Variants in FHOD3 observed in about 807,000 individuals in gnomAD.
FHOD3 encodes the protein FH1/FH2 domain-containing protein 3.
Under a neutral mutation model 173.0 loss-of-function variants are expected in FHOD3, and 90 were observed. That is an observed-to-expected ratio of 0.52 (90% CI 0.44 to 0.62). The LOEUF (loss-of-function observed/expected upper bound fraction) is 0.62. Ranked by LOEUF, FHOD3 falls within the 20% of genes least tolerant of loss-of-function variation. FHOD3 has a pLI of 0.00. For missense variants in FHOD3, 1,945 were observed against 2,034.7 expected (o/e 0.96, Z 0.85); for synonymous variants, 828 against 823.0 (o/e 1.01, Z -0.10).
chr18:36,581,704 T>C (rs893314124), intron 6 of FHOD3, among the ~76,000 whole-genome samples: 3 of 152,182 alleles, frequency 2.0e-5, no homozygotes, highest in African/African-American at 7.2e-5. Flanking sequence ...ATGCTCGTGC[T>C]CATGCGCTCT....
intron 9 of FHOD3, among the ~76,000 whole-genome samples, chr18:36,613,374 T>C (rs1277273643): frequency 6.6e-6 from 1 of 152,202 alleles, no homozygotes; most frequent in African/African-American, 2.4e-5. Context: ...TGTGGGTTAA[T>C]TTTAGGTCAA....
chr18:36,614,816 G>A (rs1358925489), intron 9 of FHOD3, among the ~76,000 whole-genome samples: 23 of 144,614 alleles, frequency 1.6e-4, no homozygotes, highest in Admixed American at 1.4e-3. Context: ...TATTTATTCC[G>A]ATCCTTTGCT....
At chr18:36,594,720 AG>A in intron 6 of FHOD3, 66 bp from the exon 7 acceptor site, 1 of 1,125,424 alleles carries the variant, frequency 8.9e-7, no homozygotes, top group Non-Finnish European at 1.3e-6. Context: ...CGCTGCGGTT[AG>A]GAAGATGCTC....
intron 20 of FHOD3, 122 bp downstream of exon 20, chr18:36,730,926 G>T (rs940563669): frequency 3.8e-6 from 4 of 1,063,810 alleles, no homozygotes; most frequent in Non-Finnish European, 5.3e-6. Context: ...TCTGAATAAG[G>T]TTAATAATTC....
intron 27 of FHOD3, among the ~76,000 whole-genome samples, chr18:36,768,404 T>G (rs1374356538): frequency 6.6e-6 from 1 of 152,184 alleles, no homozygotes; most frequent in Non-Finnish European, 1.5e-5. Context: ...AAAAATAAAG[T>G]ATTTGCAGGA....
At chr18:36,343,032 G>A (rs2045702486) in intron 1 of FHOD3, among the ~76,000 whole-genome samples, 1 of 152,230 alleles carries the variant, frequency 6.6e-6, no homozygotes, top group Non-Finnish European at 1.5e-5. Context: ...GTGTTGGTGA[G>A]ATTGTAGAGA....
intron 3 of FHOD3, among the ~76,000 whole-genome samples, chr18:36,454,026 G>A (rs1034882387): frequency 7.2e-5 from 11 of 152,190 alleles, no homozygotes; most frequent in South Asian, 6.2e-4. Context: ...CCAAGATGGC[G>A]CTCTTTCTTT....
intron 5 of FHOD3, among the ~76,000 whole-genome samples, chr18:36,570,712 TA>T (rs774559960): frequency 6.6e-6 from 1 of 152,092 alleles, no homozygotes; most frequent in Non-Finnish European, 1.5e-5. Context: ...ACTCATTGAG[TA>T]TTTGAAATTC....
chr18:36,670,676 CT>C (rs1157523751), intron 14 of FHOD3, among the ~76,000 whole-genome samples: 3 of 152,156 alleles, frequency 2.0e-5, no homozygotes, highest in African/African-American at 7.2e-5. Context: ...AAATAATTTA[CT>C]TTTTTTCTTC....
intron 3 of FHOD3, among the ~76,000 whole-genome samples, chr18:36,415,462 G>A (rs1471016405): frequency 1.3e-5 from 2 of 152,176 alleles, no homozygotes; most frequent in Admixed American, 1.3e-4. Context: ...AAGAAAATGT[G>A]ACTTCTTAAA....
At position 36,747,085 on chromosome 18, in the gene FHOD3, T is replaced by C; in HGVS notation, c.4182T>C (p.Cys1394=). 3 of 1,613,494 alleles carry C rather than the reference T, an allele frequency of 1.9e-6. No homozygotes were observed. The highest frequency in any genetic ancestry group is 2.5e-6 in the Non-Finnish European group (3 of 1,179,852). ...GGATGTCAGAGTTCCTGAAAGACTG[T>C]GCAGAGCGAATTATAATTTTAAAGA... ...KQRMSEFLKD[C]AERIIILKIV... Residue 1394 remains cysteine, a synonymous_variant, in exon 24 of 29, where the codon TGT becomes TGC. Coordinates refer to ENST00000590592, the MANE Select transcript of FHOD3 (RefSeq NM_001281740.3).
intron 2 of FHOD3, among the ~76,000 whole-genome samples, chr18:36,369,844 T>C (rs974185902): frequency 1.3e-5 from 2 of 152,118 alleles, no homozygotes; most frequent in Admixed American, 6.6e-5. Context: ...TTGTAAGCCC[T>C]AGAGGTGGTT....
intron 3 of FHOD3, among the ~76,000 whole-genome samples, chr18:36,423,022 C>T (rs907291630): frequency 5.9e-5 from 9 of 152,084 alleles, no homozygotes; most frequent in African/African-American, 1.2e-4. Flanking sequence ...CATTCCCCTT[C>T]GTGGCTTCAG....
At position 36,658,158 on chromosome 18, in the gene FHOD3, T is replaced by C; in HGVS notation, c.1805T>C (p.Val602Ala). ...GTGCCCACCACCCCCACATCATCCG[T>C]CTCACCCCCACAGGAGGCCAGGTTG... is the stretch of plus-strand genomic sequence containing the variant. ...SSVPTTPTSS[V>A]SPPQEARLER... The change falls in exon 14 of 29, where the codon GTC becomes GCC. Residue 602 changes from valine to alanine, a missense_variant. By Grantham distance (64) the Val-to-Ala change is moderately conservative (BLOSUM62 0). Coordinates refer to ENST00000590592, the MANE Select transcript of FHOD3 (RefSeq NM_001281740.3). 6.3e-7 allele frequency: 1 copy of C among 1,589,260 alleles called. No homozygotes were observed. The highest frequency in any genetic ancestry group is 8.5e-7 in the Non-Finnish European group (1 of 1,170,558).
At chr18:36,739,450 G>A (rs2041800207) in intron 20 of FHOD3, among the ~76,000 whole-genome samples, 2 of 152,110 alleles carry the variant, frequency 1.3e-5, no homozygotes, top group African/African-American at 4.8e-5. Flanking sequence ...ACCATCCCAG[G>A]CTAAGTCCCA....
At chr18:36,397,754 T>G (rs1248907576) in intron 3 of FHOD3, among the ~76,000 whole-genome samples, 1 of 152,188 alleles carries the variant, frequency 6.6e-6, no homozygotes, top group African/African-American at 2.4e-5. Flanking sequence ...CCCTTTCCTA[T>G]CATGTAAAAT....
At chr18:36,405,621 A>C (rs2049018132) in intron 3 of FHOD3, among the ~76,000 whole-genome samples, 1 of 152,242 alleles carries the variant, frequency 6.6e-6, no homozygotes, top group Admixed American at 6.5e-5. Context: ...ACAACAAAAA[A>C]CAGAAATGGA....
At chr18:36,397,388 T>C (rs1330475861) in intron 3 of FHOD3, among the ~76,000 whole-genome samples, 3 of 152,232 alleles carry the variant, frequency 2.0e-5, no homozygotes. Flanking sequence ...AAATTGTTTT[T>C]ACCCATTTGT....
At chr18:36,359,621 A>G (rs2046515215) in intron 2 of FHOD3, among the ~76,000 whole-genome samples, 1 of 152,128 alleles carries the variant, frequency 6.6e-6, no homozygotes, top group Non-Finnish European at 1.5e-5. Flanking sequence ...GCCCAATCCC[A>G]TTTATCTTCC....
Sources: gnomAD v4.1 joint callset for allele counts (sites outside exome capture counted in the v4.1 genomes callset) on GRCh38, gnomAD v4.1.1 for gene constraint, MANE v1.5 for transcripts, NCBI Gene and HGNC (gene_info 2026-07-23, HGNC 2026-07-21) for gene names.